DSTYK: variants seen among roughly 807,000 people sequenced by gnomAD.
The protein encoded by DSTYK is RIP-homologous kinase.
In DSTYK, 34 loss-of-function variants were observed where a neutral mutation model predicts 98.7. That is an observed-to-expected ratio of 0.34 (90% confidence interval 0.26 to 0.46). DSTYK has a LOEUF of 0.46. Ranked by LOEUF, DSTYK falls within the 20% of genes least tolerant of loss-of-function variation. The pLI is 1.00. For missense variants in DSTYK, 962 were observed against 1,181.7 expected (o/e 0.81, Z 2.73); for synonymous variants, 462 against 457.3 (o/e 1.01, Z -0.13).
chr1:205,169,716 G>A lies in DSTYK; in HGVS notation c.771C>T (p.Leu257=), dbSNP rs754514948. 8.1e-6 allele frequency: 13 copies of A among 1,614,200 alleles called. No individual in the cohort carries two copies. In the South Asian group the frequency reaches 1.3e-4, roughly 16 times the overall value. ...VITYALHKDE[L]SERDEQELQE... ...GAAGCTCTTGCTCATCCCTCTCAGA[G>A]AGTTCATCTTTGTGGAGTGCATAGG... The change falls in exon 3 of 13, where the codon CTC becomes CTT. Residue 257 remains leucine, a synonymous_variant. Coordinates refer to ENST00000367162, the MANE Select transcript of DSTYK (RefSeq NM_015375.3). This position sits in a 1 kb window ranked among gnomAD's most constrained non-coding sequence, Gnocchi z 4.0.
intron 1 of DSTYK, among the ~76,000 whole-genome samples, chr1:205,200,546 G>A (rs1298519681): frequency 1.3e-5 from 2 of 152,188 alleles, no homozygotes; most frequent in Non-Finnish European, 2.9e-5. Context: ...CCCACTCAAA[G>A]ACAACTAATG....
At chr1:205,148,484 G>A (rs1464524882) in intron 11 of DSTYK, 145 bp from the exon 12 acceptor site, 1 of 996,082 alleles carries the variant, frequency 1.0e-6, no homozygotes, top group Non-Finnish European at 1.4e-6. Flanking sequence ...AGGTAGGCAG[G>A]GTACATTTAT....
At chr1:205,167,326 G>A (rs775240942) in intron 3 of DSTYK, among the ~76,000 whole-genome samples, 31 of 152,276 alleles carry the variant, frequency 2.0e-4, no homozygotes, top group Admixed American at 6.5e-4. Context: ...CTTGAGCCCA[G>A]GAGATTGGGG....
At chr1:205,157,194 A>C in intron 10 of DSTYK, 79 bp downstream of exon 10, 1 of 1,228,402 alleles carries the variant, frequency 8.1e-7, no homozygotes, top group South Asian at 1.3e-5. Context: ...TTAGGATCTA[A>C]CTTACATTTA....
chr1:205,154,438 T>C (rs1056855048), intron 10 of DSTYK, among the ~76,000 whole-genome samples: 1 of 152,208 alleles, frequency 6.6e-6, no homozygotes, highest in African/African-American at 2.4e-5. Context: ...CACTTCTCCT[T>C]GCTGCCACCA....
chr1:205,144,931 C>G lies in DSTYK; in HGVS notation c.*2627G>C, dbSNP rs546016777. 1 of 152,264 alleles carries G rather than the reference C, an allele frequency of 6.6e-6. No homozygotes were observed. Among genetic ancestry groups the G allele is most frequent in the East Asian group, 1.9e-4 (1 of 5,178 alleles). The allele number at this position is 152,264 out of a possible 1,614,324, so 9.4% of individuals were successfully genotyped here. The stretch of plus-strand genomic sequence containing the variant: ...AATGAGAGTATGAGCTAATACTTCC[C>G]AAGAATGCTAGGAATGTGACCTTCA... On this transcript the variant is annotated 3_prime_UTR_variant, in exon 13 of 13. Transcript: ENST00000367162.
chr1:205,182,365 T>C (rs962236496), intron 2 of DSTYK, among the ~76,000 whole-genome samples: 1 of 151,710 alleles, frequency 6.6e-6, no homozygotes, highest in Non-Finnish European at 1.5e-5. Context: ...ACTCCCAGCC[T>C]GGACAACAGA....
chr1:205,195,277 T>C (rs1298119777), intron 1 of DSTYK, among the ~76,000 whole-genome samples: 2 of 152,192 alleles, frequency 1.3e-5, no homozygotes, highest in African/African-American at 4.8e-5. Flanking sequence ...GGTAGTGATG[T>C]TTTATTTCTT....
chr1:205,210,449 A>G (rs1219100873), intron 1 of DSTYK, among the ~76,000 whole-genome samples: 2 of 152,126 alleles, frequency 1.3e-5, no homozygotes, highest in African/African-American at 4.8e-5. Flanking sequence ...TTATTTCCTA[A>G]TTAGACGCAG....
At position 205,150,511 on chromosome 1, in the gene DSTYK, C is replaced by A. The variant is rs374756491; in HGVS notation, c.2467+169G>T. Among the ~76,000 whole-genome samples the A allele has an allele frequency of 6.6e-6, 1 of 152,138 alleles. No individual in the cohort carries two copies. The highest frequency in any genetic ancestry group is 1.5e-5 in the Non-Finnish European group (1 of 68,032). The stretch of plus-strand genomic sequence containing the variant: ...GTACTTTTTCTTTCTTACTCCTTTA[C>A]CTCTTCACTTTCCCTGCTACTTGCC... On this transcript the variant is annotated intron_variant, in intron 11 of 12. Transcript: ENST00000367162. This position sits in a 1 kb window ranked among gnomAD's most constrained non-coding sequence, Gnocchi z 4.1.
Position 205,163,990 on chromosome 1 carries a change from A to G in DSTYK, c.1325-35T>C, listed in dbSNP as rs367947047. The G allele has an allele frequency of 9.6e-6, 15 of 1,570,100 alleles. No individual in the cohort carries two copies. The African/African-American group carries it at 2.0e-4, about 21-fold the overall frequency. ...CAGAGAAATAAGCTGAATAGTTGTG[A>G]GGAAGAAGGGGCAGACACACTAAAT... On this transcript the variant is annotated intron_variant, in intron 3 of 12. Transcript: ENST00000367162.
intron 2 of DSTYK, among the ~76,000 whole-genome samples, chr1:205,174,061 A>G (rs371021707): frequency 8.6e-5 from 13 of 152,036 alleles, no homozygotes; most frequent in African/African-American, 3.1e-4. Context: ...ATTTGCTCAT[A>G]GGTGTAAATT....
At position 205,169,388 on chromosome 1, in the gene DSTYK, A is replaced by G; in HGVS notation, c.1099T>C (p.Cys367Arg). 1 of 1,614,202 alleles carries G rather than the reference A, an allele frequency of 6.2e-7. No individual in the cohort carries two copies. The highest frequency in any genetic ancestry group is 8.5e-7 in the Non-Finnish European group (1 of 1,180,038). ...TTAATAAAGATGTCAAGGCAGTGGC[A>G]GTGCACCAGGTTCAGGGCCTTGGCT... ...DAAKALNLVH[C>R]HCLDIFINQA... Residue 367 changes from cysteine (C) to arginine (R), a missense_variant, in exon 3 of 13, where the codon TGC becomes CGC. Cys to Arg is a radical substitution (Grantham distance 180, BLOSUM62 -3). Transcript: ENST00000367162. This position sits in a 1 kb window ranked among gnomAD's most constrained non-coding sequence, Gnocchi z 4.0.
intron 1 of DSTYK, among the ~76,000 whole-genome samples, chr1:205,200,953 T>TGGAGTGC (rs1241169294): frequency 6.6e-6 from 1 of 152,130 alleles, no homozygotes; most frequent in Non-Finnish European, 1.5e-5. Flanking sequence ...TTGCCCAGGC[T>TGGAGTGC]GGAGTGCAAT....
intron 2 of DSTYK, among the ~76,000 whole-genome samples, chr1:205,180,184 T>G (rs1019382255): frequency 6.8e-6 from 1 of 147,050 alleles, no homozygotes; most frequent in Admixed American, 7.0e-5. Context: ...TAGGTATGGT[T>G]TGCTGCACCT....
chr1:205,165,621 A>G (rs948819936), intron 3 of DSTYK, among the ~76,000 whole-genome samples: 1 of 152,216 alleles, frequency 6.6e-6, no homozygotes, highest in Non-Finnish European at 1.5e-5. Flanking sequence ...AAATTTGGCA[A>G]TATCTATTAA....
Position 205,157,382 on chromosome 1 carries a change from C to T in DSTYK, c.2243G>A (p.Gly748Glu). Residue 748 changes from glycine to glutamate, a missense_variant, in exon 10 of 13, where the codon GGG (glycine) becomes GAG (glutamate). Transcript: ENST00000367162. The part of the protein sequence containing the change: ...HRDLYTGLKA[G>E]LTLETRLQIA... Reference sequence around the variant, plus strand: ...CTGCAAACGTGTCTCCAGGGTCAGCCCAGCCTTGGGGAGACAAAAGAGCTT... The same window carrying T: ...CTGCAAACGTGTCTCCAGGGTCAGCTCAGCCTTGGGGAGACAAAAGAGCTT... The T allele has an allele frequency of 6.2e-7, 1 of 1,614,026 alleles. No homozygotes were observed. Among genetic ancestry groups the T allele is most frequent in the Non-Finnish European group, 8.5e-7 (1 of 1,179,928 alleles).
intron 1 of DSTYK, among the ~76,000 whole-genome samples, chr1:205,205,244 T>C (rs1244604189): frequency 6.6e-6 from 1 of 152,092 alleles, no homozygotes; most frequent in African/African-American, 2.4e-5. Context: ...TCAGCACTGC[T>C]GTCACTGTGC....
chr1:205,161,884 ATG>A (rs1034168869), intron 6 of DSTYK, 150 bp downstream of exon 6: 279 of 637,754 alleles, frequency 4.4e-4, no homozygotes, highest in South Asian at 9.4e-4. Context: ...TAATATACAT[ATG>A]TGTGTGTGTG....
Sources: gnomAD v4.1 joint callset for allele counts (sites outside exome capture counted in the v4.1 genomes callset) on GRCh38, gnomAD v4.1.1 for gene constraint, Gnocchi (gnomAD v3.1) non-coding constraint, MANE v1.5 for transcripts, NCBI Gene and HGNC (gene_info 2026-07-23, HGNC 2026-07-21) for gene names.